Variants in SORCS1 observed in about 807,000 individuals in gnomAD.
The protein encoded by SORCS1 is sortilin related VPS10 domain containing receptor 1.
A neutral mutation model predicts 146.1 loss-of-function variants in SORCS1; 60 were observed. The observed-to-expected ratio is 0.41, with a 90% CI of 0.33 to 0.51. The LOEUF is 0.51. SORCS1 is among the 20% of genes least tolerant of loss of function. SORCS1 has a pLI of 0.21. For synonymous variants in SORCS1, 637 were observed against 584.0 expected (o/e 1.09, Z -1.31); for missense variants, 1,352 against 1,487.6 (o/e 0.91, Z 1.50).
At chr10:107,098,943 T>G (rs2134364268) in intron 1 of SORCS1, among the ~76,000 whole-genome samples, 1 of 152,330 alleles carries the variant, frequency 6.6e-6, no homozygotes, top group Admixed American at 6.5e-5. Context: ...CCAAATTTCA[T>G]TTTTCACTCA....
chr10:107,143,837 TC>T, intron 1 of SORCS1, among the ~76,000 whole-genome samples: 1 of 152,016 alleles, frequency 6.6e-6, no homozygotes, highest in Non-Finnish European at 1.5e-5. Flanking sequence ...AGATGAGGTT[TC>T]ACCATATTAC....
chr10:106,632,012 C>T (rs1848470404), intron 18 of SORCS1, among the ~76,000 whole-genome samples: 1 of 152,108 alleles, frequency 6.6e-6, no homozygotes. Context: ...TGGACTAGGG[C>T]ATTAGTAAGG....
At chr10:107,115,818 G>T (rs1399601515) in intron 1 of SORCS1, among the ~76,000 whole-genome samples, 1 of 152,004 alleles carries the variant, frequency 6.6e-6, no homozygotes, top group Non-Finnish European at 1.5e-5. Context: ...GGCAGTCCAT[G>T]GAATGAGAGA....
chr10:106,665,942 G>A (rs1176299032), intron 17 of SORCS1, among the ~76,000 whole-genome samples: 2 of 152,068 alleles, frequency 1.3e-5, no homozygotes, highest in African/African-American at 4.8e-5. Flanking sequence ...CTGGGTTCAC[G>A]CCATTCTCCT....
At chr10:106,900,886 G>T (rs543310361) in intron 2 of SORCS1, among the ~76,000 whole-genome samples, 2 of 152,042 alleles carry the variant, frequency 1.3e-5, no homozygotes, top group African/African-American at 2.4e-5. Context: ...GTTAAAATTC[G>T]GTAAATTTAG....
chr10:106,720,332 C>T (rs1410364308), intron 6 of SORCS1, among the ~76,000 whole-genome samples: 2 of 151,790 alleles, frequency 1.3e-5, no homozygotes. Flanking sequence ...AACTCTGAAA[C>T]AATGGAAAAA....
chr10:107,068,782 A>G (rs1962149925), intron 1 of SORCS1, among the ~76,000 whole-genome samples: 1 of 151,096 alleles, frequency 6.6e-6, no homozygotes, highest in Admixed American at 6.6e-5. Context: ...AGGCAGGAGA[A>G]TGGTGTGAAC....
At chr10:107,042,592 A>G (rs904886725) in intron 1 of SORCS1, among the ~76,000 whole-genome samples, 3 of 148,830 alleles carry the variant, frequency 2.0e-5, no homozygotes, top group African/African-American at 7.6e-5. Flanking sequence ...CCCTGATTTT[A>G]CCAGCGGGGA....
intron 2 of SORCS1, among the ~76,000 whole-genome samples, chr10:106,871,063 AAAG>A (rs1950391162): frequency 6.6e-6 from 1 of 152,252 alleles, no homozygotes. Flanking sequence ...ACACTTCTCA[AAAG>A]AAGACATACA....
At chr10:106,579,293 G>C (rs971947682) in intron 25 of SORCS1, 76 bp downstream of exon 25, 2 of 1,614,032 alleles carry the variant, frequency 1.2e-6, no homozygotes, top group African/African-American at 1.3e-5. Context: ...GCACATCACT[G>C]TAACACATGC....
At chr10:106,820,597 T>C (rs149142773) in intron 3 of SORCS1, among the ~76,000 whole-genome samples, 3 of 152,340 alleles carry the variant, frequency 2.0e-5, no homozygotes, top group Admixed American at 6.5e-5. Flanking sequence ...TTCATCCACA[T>C]TGACTTTGTT....
rs1440411676 is a variant in SORCS1 at position 106,910,288 on chromosome 10, T to C, written c.626+46225A>G. The stretch of plus-strand genomic sequence containing the variant: ...TATGCCTCCGTCTCTTTACATTGTG[T>C]GTGTGTGTGTGTGTGTGTGTGTGTG... On this transcript the variant is annotated intron_variant, in intron 2 of 25. Transcript: ENST00000263054. Among the ~76,000 whole-genome samples the C allele has an allele frequency of 2.5e-5, 3 of 118,828 alleles. No individual in the cohort carries two copies. In the East Asian group the frequency reaches 6.7e-4, roughly 27 times the overall value. The allele number at this position is 118,828 out of a possible 152,430, so 78.0% of individuals were successfully genotyped here.
In SORCS1 at chr10:106,916,567, C is replaced by CAT. The variant is rs201606214; in HGVS notation, c.626+39944_626+39945dup. The stretch of plus-strand genomic sequence containing the variant: ...GCACACGATGATATATAATTGTGTG[C>CAT]ATATATATACACACACACACACACA... On this transcript the variant is annotated intron_variant, in intron 2 of 25. Coordinates refer to ENST00000263054, the MANE Select transcript of SORCS1 (RefSeq NM_052918.5). Among the ~76,000 whole-genome samples the CAT allele has an allele frequency of 5.0e-3, 619 of 124,178 alleles. 2 individuals carry two copies. The highest frequency in any genetic ancestry group is 8.4e-3 in the African/African-American group (272 of 32,542). The allele number at this position is 124,178 out of a possible 152,430, so 81.5% of individuals were successfully genotyped here.
At chr10:106,826,536 T>G (rs1266880373) in intron 3 of SORCS1, among the ~76,000 whole-genome samples, 1 of 152,240 alleles carries the variant, frequency 6.6e-6, no homozygotes, top group Admixed American at 6.5e-5. Flanking sequence ...CTTTAAAATG[T>G]TGTGCAAGTA....
intron 5 of SORCS1, among the ~76,000 whole-genome samples, chr10:106,740,973 C>T (rs982453022): frequency 3.3e-5 from 5 of 152,142 alleles, no homozygotes; most frequent in East Asian, 3.8e-4. Context: ...ATAATAGTAC[C>T]GAATAATACG....
intron 4 of SORCS1, among the ~76,000 whole-genome samples, chr10:106,761,873 G>T (rs1859139864): frequency 6.6e-6 from 1 of 152,334 alleles, no homozygotes; most frequent in Non-Finnish European, 1.5e-5. Flanking sequence ...TGAGGAAACT[G>T]AAGCTTAGAA....
intron 2 of SORCS1, among the ~76,000 whole-genome samples, chr10:106,849,713 G>C (rs1949465105): frequency 1.3e-5 from 2 of 151,154 alleles, no homozygotes; most frequent in South Asian, 2.1e-4. Context: ...CCATCTTTGT[G>C]GTTTTATCTA....
Position 106,948,653 on chromosome 10 carries a change from T to TA in SORCS1, c.626+7859dup, listed in dbSNP as rs58567205. 4.3e-3 allele frequency among the ~76,000 whole-genome samples: 605 copies of TA among 140,726 alleles called. 3 individuals are homozygous for TA. The highest frequency in any genetic ancestry group is 0.01 in the African/African-American group (388 of 38,540). The allele number at this position is 140,726 out of a possible 152,430, so 92.3% of individuals were successfully genotyped here. A position where few individuals can be genotyped will look rare whatever the true frequency, so the allele number is the denominator to read the frequency against. On this transcript the variant is annotated intron_variant, in intron 2 of 25. Transcript: ENST00000263054. ...AGTGACAGAGCAAGACCCTGTTTCT[T>TA]AAAAAAAAAAAAAAATTAACTGTAG...
intron 6 of SORCS1, among the ~76,000 whole-genome samples, chr10:106,721,563 A>C (rs1377449830): frequency 2.0e-5 from 3 of 152,236 alleles, no homozygotes; most frequent in Non-Finnish European, 4.4e-5. Flanking sequence ...ATTTGCTCTC[A>C]GATGGGTTAT....
Sources: allele counts gnomAD v4.1 joint callset (sites outside exome capture counted in the v4.1 genomes callset), GRCh38; gene constraint gnomAD v4.1.1; transcripts MANE v1.5; gene names NCBI Gene and HGNC (gene_info 2026-07-23, HGNC 2026-07-21).